Variants in SMARCC2 observed in about 807,000 individuals in gnomAD.
The protein encoded by SMARCC2 is SWI/SNF related BAF chromatin remodeling complex subunit C2, also known as SWI/SNF complex subunit SMARCC2.
In SMARCC2, 15 loss-of-function variants were observed where a neutral mutation model predicts 151.3. That is an observed-to-expected ratio of 0.10 (90% CI 0.07 to 0.15). The LOEUF is 0.15. Among genes scored for constraint, SMARCC2 ranks in the 10% least tolerant of loss-of-function variants. The probability of loss-of-function intolerance (pLI) is 1.00; values close to 1 mark genes in which losing one functional copy is unlikely to be tolerated. For missense variants in SMARCC2, 1,031 were observed against 1,599.7 expected, an observed-to-expected ratio of 0.64 and a Z score of 6.06; for synonymous variants, 590 against 609.5, an observed-to-expected ratio of 0.97 and a Z score of 0.47.
chr12:56,185,322 G>C, intron 3 of SMARCC2: 1 of 521,304 alleles, frequency 1.9e-6, no homozygotes, highest in African/African-American at 1.9e-5. Context: ...GGGACTATAG[G>C]CACACACCAC....
rs1872149010 is a variant in SMARCC2 at position 56,163,364 on chromosome 12, A to G, written c.*325T>C. ...TTTTTTAATCCATAGAAAATGCAGTAGTTTGGAGGGAGGTGTACCCTTAGA... is the reference window on the plus strand; with the variant it reads ...TTTTTTAATCCATAGAAAATGCAGTGGTTTGGAGGGAGGTGTACCCTTAGA... On this transcript the variant is annotated 3_prime_UTR_variant, in exon 29 of 29. Transcript: ENST00000550164. The G allele has an allele frequency of 5.7e-6, 1 of 176,592 alleles. No individual in the cohort carries two copies. The highest frequency in any genetic ancestry group is 2.0e-4 in the South Asian group (1 of 4,992). The allele number at this position is 176,592 out of a possible 1,614,324, so 10.9% of individuals were successfully genotyped here.
intron 3 of SMARCC2, 52 bp downstream of exon 3, chr12:56,186,103 A>T (rs530880024): frequency 7.9e-7 from 1 of 1,261,630 alleles, no homozygotes; most frequent in Admixed American, 1.8e-5. Flanking sequence ...GGAATCAAAA[A>T]GGGGGATTTC....
Position 56,172,972 on chromosome 12 carries a change from G to A in SMARCC2, c.1708C>T (p.Leu570=), listed in dbSNP as rs781715026. The change falls in exon 18 of 29, where the codon CTG becomes TTG. Residue 570 remains leucine, a synonymous_variant. Coordinates refer to ENST00000550164, the MANE Select transcript of SMARCC2 (RefSeq NM_001330288.2). ...AGRKGKELDD[L]VPETAKGKPE... is the part of the protein sequence containing the mutation. The stretch of plus-strand genomic sequence containing the variant: ...TTGCCCTTAGCCGTCTCTGGCACCA[G>A]GTCATCCAGCTCTTTGCCCTTTCGC... 16 of 1,613,870 alleles carry A rather than the reference G, an allele frequency of 9.9e-6. No individual in the cohort carries two copies. The highest frequency in any genetic ancestry group is 1.3e-5 in the Non-Finnish European group (15 of 1,180,050).
intron 3 of SMARCC2, chr12:56,185,894 C>T: frequency 2.0e-6 from 1 of 499,766 alleles, no homozygotes; most frequent in South Asian, 2.8e-5. Context: ...GTGCTTACTT[C>T]AAAGGGACAA....
intron 26 of SMARCC2, among the ~76,000 whole-genome samples, chr12:56,166,237 G>A (rs901092733): frequency 6.6e-5 from 10 of 152,024 alleles, no homozygotes; most frequent in Admixed American, 6.6e-4. Flanking sequence ...CGCCTCCCCG[G>A]TTCAAGCAAT....
At chr12:56,173,176 C>T in intron 17 of SMARCC2, 147 bp from the exon 18 acceptor site, 1 of 658,474 alleles carries the variant, frequency 1.5e-6, no homozygotes, top group South Asian at 1.7e-5. Flanking sequence ...ATTAATAAGA[C>T]ATGTCGTTGG....
chr12:56,166,572 T>C (rs2135646285), intron 26 of SMARCC2, among the ~76,000 whole-genome samples: 1 of 151,522 alleles, frequency 6.6e-6, no homozygotes, highest in Non-Finnish European at 1.5e-5. Context: ...CTGAGGTCCC[T>C]ATCTTCTATT....
At chr12:56,173,943 C>G in intron 16 of SMARCC2, 94 bp from the exon 17 acceptor site, 1 of 1,167,090 alleles carries the variant, frequency 8.6e-7, no homozygotes. Flanking sequence ...CATAAACCCC[C>G]TCCCCACCCA....
In SMARCC2 at chr12:56,178,089, G is replaced by T; in HGVS notation, c.1315C>A (p.His439Asn). 1 of 1,612,626 alleles carries T rather than the reference G, an allele frequency of 6.2e-7. No homozygotes were observed. The highest frequency in any genetic ancestry group is 1.1e-5 in the South Asian group (1 of 90,940). ...YAAWFDYNSV[H>N]AIERRALPEF... The stretch of plus-strand genomic sequence containing the variant: ...GGGAGAGCCCTCCGCTCAATGGCAT[G>T]AACACTGCAAGAAAAGCCAGAATGG... The change falls in exon 15 of 29, where the codon CAT becomes AAT. Residue 439 changes from histidine to asparagine, a missense_variant. His to Asn is a moderately conservative substitution (Grantham distance 68, BLOSUM62 1). Around this residue, in one of 12 missense-constraint regions of SMARCC2, gnomAD observed 51 missense variants for 135.1 expected, o/e 0.38. Coordinates refer to ENST00000550164, the MANE Select transcript of SMARCC2 (RefSeq NM_001330288.2).
intron 27 of SMARCC2, 60 bp from the exon 28 acceptor site, chr12:56,164,791 C>G: frequency 7.3e-7 from 1 of 1,372,776 alleles, no homozygotes; most frequent in Middle Eastern, 2.3e-4. Context: ...AACAACTCAC[C>G]TTTTCTATTT....
At chr12:56,182,866 C>T (rs920898118) in intron 7 of SMARCC2, among the ~76,000 whole-genome samples, 52 of 148,530 alleles carry the variant, frequency 3.5e-4, no homozygotes, top group African/African-American at 1.2e-3. Flanking sequence ...CAGGGTCTTG[C>T]TCTATTGCCC....
At chr12:56,166,514 C>T (rs754126213) in intron 26 of SMARCC2, among the ~76,000 whole-genome samples, 5 of 151,672 alleles carry the variant, frequency 3.3e-5, no homozygotes, top group Admixed American at 6.6e-5. Flanking sequence ...TTTCTGATGT[C>T]TCCATATTGT....
intron 10 of SMARCC2, 29 bp from the exon 11 acceptor site, chr12:56,181,130 C>G: frequency 6.3e-7 from 1 of 1,598,666 alleles, no homozygotes; most frequent in South Asian, 1.1e-5. Flanking sequence ...GAAAGAGAAC[C>G]CAGTCATCCT....
chr12:56,165,809 G>A (rs1024515549), intron 26 of SMARCC2, 110 bp from the exon 27 acceptor site: 1 of 1,118,036 alleles, frequency 8.9e-7, no homozygotes, highest in African/African-American at 1.5e-5. Context: ...CAATCAGAAG[G>A]TTCCCAAAAT....
chr12:56,174,536 G>A (rs78679733), intron 16 of SMARCC2, 115 bp downstream of exon 16: 2 of 689,656 alleles, frequency 2.9e-6, no homozygotes, highest in African/African-American at 1.8e-5. Context: ...TTTCTCTAGA[G>A]GTGCTTTTTT....
Position 56,172,920 on chromosome 12 carries a change from G to C in SMARCC2, c.1743+17C>G, listed in dbSNP as rs377618856. The stretch of plus-strand genomic sequence containing the variant: ...AGGGGAAAATGAGCAGCCCAGCAGG[G>C]TCTGCACCCCACCTACCAGCTCTGG... On this transcript the variant is annotated intron_variant, in intron 18 of 28. Transcript: ENST00000550164. 4.0e-5 allele frequency: 65 copies of C among 1,610,922 alleles called. No homozygotes were observed. In the African/African-American group the frequency reaches 8.3e-4, roughly 21 times the overall value.
At chr12:56,167,835 C>T (rs966848656) in intron 26 of SMARCC2, among the ~76,000 whole-genome samples, 2 of 151,902 alleles carry the variant, frequency 1.3e-5, no homozygotes, top group African/African-American at 2.4e-5. Context: ...CCCTGCTCTG[C>T]TTTGAAGCCC....
chr12:56,164,526 G>T lies in SMARCC2; in HGVS notation c.3438C>A (p.Asn1146Lys). 1 of 1,614,224 alleles carries T rather than the reference G, an allele frequency of 6.2e-7. No individual in the cohort carries two copies. The highest frequency in any genetic ancestry group is 8.5e-7 in the Non-Finnish European group (1 of 1,180,042). ...GGAGATGGTGGTGATGCCCATGCAG[G>T]TTAGGAGGAGCGGGGAGGTTAATAC... ...SISINLPAPP[N>K]LHGHHHHLPF... is the part of the protein sequence containing the mutation. Residue 1146 changes from asparagine to lysine, a missense_variant, in exon 28 of 29, where the codon AAC becomes AAA. Asn to Lys is a moderately conservative substitution (Grantham distance 94). Around this residue, in one of 12 missense-constraint regions of SMARCC2, gnomAD observed 310 missense variants for 350.0 expected, o/e 0.89. Coordinates refer to ENST00000550164, the MANE Select transcript of SMARCC2 (RefSeq NM_001330288.2).
Position 56,169,577 on chromosome 12 carries a change from G to A in SMARCC2, c.2667C>T (p.Leu889=). Residue 889 remains leucine, a synonymous_variant, in exon 25 of 29, where the codon CTC becomes CTT. Transcript: ENST00000550164. ...CCAGGGCGGCGGCAGCAGCGGTGGA[G>A]AGGTTGCCCTCGCCAATGTCCCGCT... is the stretch of plus-strand genomic sequence containing the variant. ...KVERDIGEGN[L]STAAAAALAA... is the part of the protein sequence containing the mutation. 6.2e-7 allele frequency: 1 copy of A among 1,614,170 alleles called. No individual in the cohort carries two copies. The highest frequency in any genetic ancestry group is 8.5e-7 in the Non-Finnish European group (1 of 1,180,018).
Sources: allele counts gnomAD v4.1 joint callset (sites outside exome capture counted in the v4.1 genomes callset), GRCh38; gene constraint gnomAD v4.1.1; regional missense constraint gnomAD v4.1.1; transcripts MANE v1.5; gene names NCBI Gene and HGNC (gene_info 2026-07-23, HGNC 2026-07-21).